The following PDE4B variants were observed in gnomAD, a reference collection of about 807,000 sequenced individuals.
PDE4B encodes the protein phosphodiesterase 4B.
A neutral mutation model predicts 82.2 loss-of-function variants in PDE4B; 20 were observed. That is an observed-to-expected ratio of 0.24 (90% confidence interval 0.17 to 0.35). PDE4B has a LOEUF of 0.35. Ranked by LOEUF, PDE4B falls within the 10% of genes least tolerant of loss-of-function variation. The pLI is 1.00. For missense variants in PDE4B, 655 were observed against 907.2 expected (o/e 0.72, Z 3.57); for synonymous variants, 320 against 318.9 (o/e 1.00, Z -0.04).
chr1:66,195,277 A>C (rs1221201916), intron 3 of PDE4B, among the ~76,000 whole-genome samples: 1 of 152,172 alleles, frequency 6.6e-6, no homozygotes, highest in Non-Finnish European at 1.5e-5. Flanking sequence ...CAGAGCTTCC[A>C]TGACCTTGTG....
chr1:66,036,057 C>T (rs1247084490), intron 3 of PDE4B, among the ~76,000 whole-genome samples: 1 of 152,114 alleles, frequency 6.6e-6, no homozygotes, highest in Non-Finnish European at 1.5e-5. Flanking sequence ...AGTGATATGT[C>T]ATTGTGGTTT....
At chr1:66,313,593 T>G (rs539177874) in intron 7 of PDE4B, among the ~76,000 whole-genome samples, 1 of 152,208 alleles carries the variant, frequency 6.6e-6, no homozygotes, top group Non-Finnish European at 1.5e-5. Context: ...TCCTTACAGA[T>G]GCTGAGGAGA....
chr1:66,286,021 C>T (rs761011299), intron 7 of PDE4B, among the ~76,000 whole-genome samples: 2 of 152,136 alleles, frequency 1.3e-5, no homozygotes, highest in Non-Finnish European at 2.9e-5. Flanking sequence ...TCATAAACTT[C>T]GTAATTCAGG....
At chr1:65,992,493 A>C (rs1349266312) in intron 3 of PDE4B, 1 of 158,102 alleles carries the variant, frequency 6.3e-6, no homozygotes, top group Non-Finnish European at 1.4e-5. Context: ...CTTACTATCC[A>C]TTAGTGAATG....
intron 3 of PDE4B, among the ~76,000 whole-genome samples, chr1:66,138,387 CGG>C (rs1476464328): frequency 6.6e-6 from 1 of 152,004 alleles, no homozygotes; most frequent in Non-Finnish European, 1.5e-5. Context: ...GGCATGGTGG[CGG>C]GCACCTGTAA....
chr1:65,893,091 T>C (rs545724894), intron 1 of PDE4B, among the ~76,000 whole-genome samples: 1 of 152,214 alleles, frequency 6.6e-6, no homozygotes, highest in Admixed American at 6.6e-5. Context: ...CTAGGAGGCA[T>C]TCTTTGGAAG....
intron 3 of PDE4B, among the ~76,000 whole-genome samples, chr1:65,946,124 A>G (rs1648699293): frequency 6.6e-6 from 1 of 151,918 alleles, no homozygotes; most frequent in South Asian, 2.1e-4. Context: ...GTCACAGGAA[A>G]CCCTTCATGA....
At chr1:65,996,568 G>A (rs1569920923) in intron 3 of PDE4B, among the ~76,000 whole-genome samples, 1 of 152,006 alleles carries the variant, frequency 6.6e-6, no homozygotes, top group Non-Finnish European at 1.5e-5. Context: ...GTCTGCATAT[G>A]TTATCCCATT....
intron 1 of PDE4B, among the ~76,000 whole-genome samples, chr1:65,797,569 A>G (rs555662335): frequency 2.3e-4 from 35 of 152,092 alleles, no homozygotes; most frequent in Non-Finnish European, 4.6e-4. Flanking sequence ...CTCCCACTGA[A>G]CGCTGCTGGT....
At chr1:66,003,026 A>T (rs1651950075) in intron 3 of PDE4B, among the ~76,000 whole-genome samples, 1 of 152,140 alleles carries the variant, frequency 6.6e-6, no homozygotes, top group African/African-American at 2.4e-5. Flanking sequence ...ACAAACATTC[A>T]TATTATTGTC....
chr1:65,910,914 C>T (rs940234285), intron 1 of PDE4B, among the ~76,000 whole-genome samples: 2 of 152,134 alleles, frequency 1.3e-5, no homozygotes, highest in Non-Finnish European at 2.9e-5. Context: ...ATCCAGAAAA[C>T]AATCAATCTA....
intron 1 of PDE4B, among the ~76,000 whole-genome samples, chr1:65,881,607 G>T (rs1646709548): frequency 6.6e-6 from 1 of 152,102 alleles, no homozygotes; most frequent in Non-Finnish European, 1.5e-5. Flanking sequence ...AAGATTAATT[G>T]TCTTCTCTTG....
intron 3 of PDE4B, among the ~76,000 whole-genome samples, chr1:66,219,874 G>GAGTT (rs35258211): frequency 6.6e-6 from 1 of 152,140 alleles, no homozygotes; most frequent in African/African-American, 2.4e-5. Context: ...ATCTGTAAGG[G>GAGTT]AGTTAGAAAT....
At chr1:66,361,579 C>T (rs1662774327) in intron 9 of PDE4B, 36 bp from the exon 10 acceptor site, 4 of 1,555,358 alleles carry the variant, frequency 2.6e-6, no homozygotes, top group East Asian at 4.5e-5. Context: ...CTCATAGACA[C>T]ATGTGCTGAA....
intron 1 of PDE4B, among the ~76,000 whole-genome samples, chr1:65,796,076 A>G (rs6663176): frequency 0.36 from 54,781 of 152,106 alleles, 10,762 homozygotes; most frequent in East Asian, 0.65. Flanking sequence ...TCAATGAGAA[A>G]TTTGTTGTTG....
chr1:66,014,484 G>T (rs765957375), intron 3 of PDE4B, among the ~76,000 whole-genome samples: 1 of 152,046 alleles, frequency 6.6e-6, no homozygotes, highest in Non-Finnish European at 1.5e-5. Context: ...TAAGATTAGA[G>T]TCCAACTGCT....
intron 3 of PDE4B, among the ~76,000 whole-genome samples, chr1:66,104,296 C>T (rs1363312260): frequency 1.3e-5 from 2 of 151,622 alleles, no homozygotes; most frequent in African/African-American, 4.9e-5. Flanking sequence ...GCATAGTATT[C>T]CATGGTGTAT....
chr1:66,296,598 T>G (rs1657530366), intron 7 of PDE4B, among the ~76,000 whole-genome samples: 1 of 152,166 alleles, frequency 6.6e-6, no homozygotes, highest in East Asian at 1.9e-4. Flanking sequence ...ATAGGAATAA[T>G]AACCTTCTGT....
At chr1:65,964,219 T>G (rs1649698534) in intron 3 of PDE4B, among the ~76,000 whole-genome samples, 1 of 152,212 alleles carries the variant, frequency 6.6e-6, no homozygotes, top group Non-Finnish European at 1.5e-5. Context: ...ATGAGAATTC[T>G]ATGCTTGTAC....
Sources: gnomAD v4.1 joint callset for allele counts (sites outside exome capture counted in the v4.1 genomes callset) on GRCh38, gnomAD v4.1.1 for gene constraint, MANE v1.5 for transcripts, NCBI Gene and HGNC (gene_info 2026-07-23, HGNC 2026-07-21) for gene names.